Variants in SNX29 observed in about 807,000 individuals in gnomAD.
The protein encoded by SNX29 is sorting nexin-29.
Under a neutral mutation model 102.1 loss-of-function variants are expected in SNX29, and 78 were observed. The observed-to-expected ratio is 0.76, with a 90% CI of 0.64 to 0.92. The LOEUF (loss-of-function observed/expected upper bound fraction) is 0.92. Ranked by LOEUF, SNX29 falls within the 40% of genes least tolerant of loss-of-function variation. SNX29 has a pLI of 0.00. For missense variants in SNX29, 1,280 were observed against 1,061.7 expected, an observed-to-expected ratio of 1.21 and a Z score of -2.86; for synonymous variants, 580 against 414.5, an observed-to-expected ratio of 1.40 and a Z score of -4.85.
intron 11 of SNX29, among the ~76,000 whole-genome samples, chr16:12,118,462 G>T (rs1315157938): frequency 6.6e-6 from 1 of 151,656 alleles, no homozygotes; most frequent in Non-Finnish European, 1.5e-5. Context: ...TGGGATTACA[G>T]GTGCCTGCCA....
At chr16:12,103,844 G>A (rs374212006) in intron 11 of SNX29, among the ~76,000 whole-genome samples, 3 of 152,156 alleles carry the variant, frequency 2.0e-5, no homozygotes, top group South Asian at 2.1e-4. Context: ...ACAACTTTGC[G>A]AGAGAAAAAC....
intron 20 of SNX29, among the ~76,000 whole-genome samples, chr16:12,543,703 A>T (rs1017486395): frequency 3.9e-5 from 6 of 152,226 alleles, no homozygotes; most frequent in African/African-American, 1.4e-4. Context: ...AGAAAATATT[A>T]ACCACGGGAA....
chr16:12,145,687 A>G (rs2055039022), intron 13 of SNX29, among the ~76,000 whole-genome samples: 1 of 152,226 alleles, frequency 6.6e-6, no homozygotes, highest in Non-Finnish European at 1.5e-5. Flanking sequence ...TTCTGAATCT[A>G]TAAATTGAGG....
At chr16:12,016,328 A>G (rs1351796303) in intron 3 of SNX29, among the ~76,000 whole-genome samples, 1 of 152,130 alleles carries the variant, frequency 6.6e-6, no homozygotes. Flanking sequence ...AGGATTTTAT[A>G]TTTCTGGTAT....
intron 20 of SNX29, among the ~76,000 whole-genome samples, chr16:12,536,083 G>T (rs1041884780): frequency 6.6e-6 from 1 of 152,108 alleles, no homozygotes; most frequent in African/African-American, 2.4e-5. Flanking sequence ...ACACACCCAG[G>T]ATGTTTTGCC....
At chr16:12,339,094 A>G (rs2081537358) in intron 15 of SNX29, among the ~76,000 whole-genome samples, 2 of 152,200 alleles carry the variant, frequency 1.3e-5, no homozygotes, top group South Asian at 2.1e-4. Context: ...GCAGCCGGGC[A>G]TGGTGGCTCA....
intron 13 of SNX29, among the ~76,000 whole-genome samples, chr16:12,130,059 ACAC>A (rs2054390853): frequency 1.3e-5 from 2 of 151,664 alleles, no homozygotes; most frequent in South Asian, 4.2e-4. Flanking sequence ...AGCCGAAATC[ACAC>A]CACTGCATTC....
intron 10 of SNX29, among the ~76,000 whole-genome samples, chr16:12,070,094 G>A (rs1398250044): frequency 6.6e-6 from 1 of 152,164 alleles, no homozygotes; most frequent in Non-Finnish European, 1.5e-5. Context: ...ATGCTGTCTG[G>A]CATGTATTAA....
In SNX29 at chr16:11,996,328, A is replaced by G. The variant is rs546608151; in HGVS notation, c.8-2969A>G. On this transcript the variant is annotated intron_variant, in intron 1 of 20. Transcript: ENST00000566228. ...GAACCCAGGAGGTTGAGACTGTAGAAAGCTATGATTGTGCCACTTACTCTA... is the reference window on the plus strand; with the variant it reads ...GAACCCAGGAGGTTGAGACTGTAGAGAGCTATGATTGTGCCACTTACTCTA... Among the ~76,000 whole-genome samples, 9 of 152,278 alleles carry G rather than the reference A, an allele frequency of 5.9e-5. No individual in the cohort carries two copies. The South Asian group carries it at 1.9e-3, about 32-fold the overall frequency.
chr16:12,036,648 GTTT>G (rs1808864068), intron 4 of SNX29, among the ~76,000 whole-genome samples: 1 of 151,904 alleles, frequency 6.6e-6, no homozygotes, highest in Non-Finnish European at 1.5e-5. Flanking sequence ...TTCTGTTTTT[GTTT>G]TTGTTGTTGT....
At chr16:12,521,023 C>G (rs889847849) in intron 19 of SNX29, among the ~76,000 whole-genome samples, 1 of 151,936 alleles carries the variant, frequency 6.6e-6, no homozygotes, top group Admixed American at 6.6e-5. Context: ...AGTAAAAATA[C>G]AAAAATTAGC....
chr16:12,202,518 C>T (rs779900977), intron 14 of SNX29, among the ~76,000 whole-genome samples: 41 of 152,196 alleles, frequency 2.7e-4, no homozygotes, highest in Non-Finnish European at 5.1e-4. Context: ...AACCTTGGTG[C>T]AAGGGCTGCC....
rs1567202976 is a variant in SNX29, at chr16:12,560,875, T to G, written c.2319-7631T>G. The G allele has an allele frequency of 2.7e-5, 5 of 187,488 alleles. No individual in the cohort carries two copies. In the East Asian group the frequency reaches 3.4e-4, roughly 13 times the overall value. The allele number at this position is 187,488 out of a possible 1,614,324, so 11.6% of individuals were successfully genotyped here. Reference sequence around the variant, plus strand: ...TGAGAATTGGTGTTAGTCCTTTAGTTCAAGATTTGACAAGCAGTGGCTTTT... The same window carrying G: ...TGAGAATTGGTGTTAGTCCTTTAGTGCAAGATTTGACAAGCAGTGGCTTTT... On this transcript the variant is annotated intron_variant, in intron 20 of 20. Transcript: ENST00000566228.
intron 14 of SNX29, among the ~76,000 whole-genome samples, chr16:12,260,996 T>A (rs9940324): frequency 0.054 from 7,876 of 145,606 alleles, 707 homozygotes; most frequent in African/African-American, 0.2. Context: ...GGAGTGAGTG[T>A]TTGTTGAGCT....
At chr16:12,270,738 G>T (rs2079066357) in intron 14 of SNX29, among the ~76,000 whole-genome samples, 1 of 152,044 alleles carries the variant, frequency 6.6e-6, no homozygotes, top group South Asian at 2.1e-4. Context: ...GTCTAACTCA[G>T]TCTAATTTAA....
At chr16:12,477,989 T>G (rs1473526394) in intron 19 of SNX29, 130 bp downstream of exon 19, 1 of 1,115,850 alleles carries the variant, frequency 9.0e-7, no homozygotes, top group East Asian at 2.7e-5. Flanking sequence ...AAGAAAAAAA[T>G]AGAGAAAAGA....
chr16:12,487,693 C>T (rs1206008631), intron 19 of SNX29, among the ~76,000 whole-genome samples: 2 of 152,058 alleles, frequency 1.3e-5, no homozygotes, highest in African/African-American at 4.8e-5. Context: ...GGTGGGACTC[C>T]CCCCACCTGT....
At chr16:12,009,906 C>A (rs1056736585) in intron 3 of SNX29, among the ~76,000 whole-genome samples, 1 of 152,216 alleles carries the variant, frequency 6.6e-6, no homozygotes, top group Non-Finnish European at 1.5e-5. Context: ...TTGTCCCATA[C>A]GGAATCAGAG....
At chr16:12,473,904 C>T (rs1023998969) in intron 18 of SNX29, among the ~76,000 whole-genome samples, 1 of 152,142 alleles carries the variant, frequency 6.6e-6, no homozygotes, top group African/African-American at 2.4e-5. Context: ...AGGAAATAAC[C>T]ATAAAAATGG....
Sources: allele counts gnomAD v4.1 joint callset (sites outside exome capture counted in the v4.1 genomes callset), GRCh38; gene constraint gnomAD v4.1.1; transcripts MANE v1.5; gene names NCBI Gene and HGNC (gene_info 2026-07-23, HGNC 2026-07-21).